COL10A1: variants seen among roughly 807,000 people sequenced by gnomAD.
The protein encoded by COL10A1 is collagen type X alpha 1 chain, also known as collagen alpha-1(X) chain.
A neutral mutation model predicts 18.2 loss-of-function variants in COL10A1; 10 were observed. That is an observed-to-expected ratio of 0.55 (90% confidence interval 0.34 to 0.93). The LOEUF (loss-of-function observed/expected upper bound fraction) is 0.93. COL10A1 is among the 40% of genes least tolerant of loss of function. COL10A1 has a pLI of 0.02. For synonymous variants in COL10A1, 330 were observed against 316.6 expected (o/e 1.04, Z -0.45); for missense variants, 897 against 853.5 (o/e 1.05, Z -0.64).
upstream of COL10A1, among the ~76,000 whole-genome samples, chr6:116,159,682 A>G (rs1780283651): frequency 6.6e-6 from 1 of 152,330 alleles, no homozygotes; most frequent in African/African-American, 2.4e-5. Flanking sequence ...TAACGTGGGT[A>G]TATTGCATAA....
chr6:116,193,161 G>A, the COL10A1 span, among the ~76,000 whole-genome samples: 4 of 151,964 alleles, frequency 2.6e-5, no homozygotes, highest in Non-Finnish European at 4.4e-5. Flanking sequence ...GCAACTCTTT[G>A]TGTAATGGCC....
chr6:116,163,234 T>G (rs75197576), upstream of COL10A1, among the ~76,000 whole-genome samples: 6 of 147,722 alleles, frequency 4.1e-5, no homozygotes, highest in African/African-American at 9.9e-5. Flanking sequence ...TGGTCCTGGG[T>G]TTTTTTTTGT....
At chr6:116,141,243 C>G (rs1191561081) in intron 1 of COL10A1, among the ~76,000 whole-genome samples, 2 of 150,558 alleles carry the variant, frequency 1.3e-5, no homozygotes, top group South Asian at 2.1e-4. Context: ...CTGATTGTAC[C>G]TTTGCCTACT....
Position 116,121,087 on chromosome 6 carries a change from C to T in COL10A1, c.1029G>A (p.Met343Ile), listed in dbSNP as rs1187481184. 6.2e-7 allele frequency: 1 copy of T among 1,613,854 alleles called. No individual in the cohort carries two copies. The highest frequency in any genetic ancestry group is 8.5e-7 in the Non-Finnish European group (1 of 1,179,944). Residue 343 changes from methionine to isoleucine, a missense_variant, in exon 3 of 3, where the codon ATG becomes ATA. Transcript: ENST00000651968. ...GGATGCCTTTTGGTCCTTGGGGTCC[C>T]ATATTCCCAGGGGGTCCAGTCAGAC... ...KPGLTGPPGN[M>I]GPQGPKGIPG...
At chr6:116,175,158 T>C in the COL10A1 span, among the ~76,000 whole-genome samples, 2 of 152,224 alleles carry the variant, frequency 1.3e-5, no homozygotes, top group Non-Finnish European at 2.9e-5. Context: ...TTCTGACTCA[T>C]ATATACATTT....
chr6:116,145,925 A>C (rs916533580), intron 1 of COL10A1, among the ~76,000 whole-genome samples: 1 of 152,076 alleles, frequency 6.6e-6, no homozygotes, highest in Non-Finnish European at 1.5e-5. Context: ...GTCTTTGGTA[A>C]CTCTTTCAAT....
At chr6:116,192,007 A>G in the COL10A1 span, among the ~76,000 whole-genome samples, 6 of 152,086 alleles carry the variant, frequency 3.9e-5, no homozygotes, top group Non-Finnish European at 7.4e-5. Flanking sequence ...ATGAGGATGC[A>G]GGCTTATGAA....
Position 116,121,193 on chromosome 6 carries a change from C to T in COL10A1, c.923G>A (p.Gly308Glu). ...FGKPGLPGLK[G>E]ERGPAGLPGG... ...AGGAAGGCCAGCAGGTCCTCTTTCTCCCTTCAGGCCTGGCAAGCCTGGTTT... is the reference window on the plus strand; with the variant it reads ...AGGAAGGCCAGCAGGTCCTCTTTCTTCCTTCAGGCCTGGCAAGCCTGGTTT... The change falls in exon 3 of 3, where the codon GGA (glycine) becomes GAA (glutamate). Residue 308 changes from glycine (G) to glutamate (E), a missense_variant. Physicochemically the swap from Gly to Glu is moderately conservative, Grantham distance 98. Coordinates refer to ENST00000651968, the MANE Select transcript of COL10A1 (RefSeq NM_000493.4). 6.2e-7 allele frequency: 1 copy of T among 1,613,450 alleles called. No individual in the cohort carries two copies. Among genetic ancestry groups the T allele is most frequent in the Non-Finnish European group, 8.5e-7 (1 of 1,179,744 alleles).
chr6:116,192,058 A>C, the COL10A1 span, among the ~76,000 whole-genome samples: 4 of 152,040 alleles, frequency 2.6e-5, no homozygotes, highest in African/African-American at 9.7e-5. Flanking sequence ...TACTTAGGTG[A>C]AACTTGGTAA....
the COL10A1 span, among the ~76,000 whole-genome samples, chr6:116,207,294 A>G: frequency 7.6e-6 from 1 of 132,360 alleles, no homozygotes; most frequent in African/African-American, 3.4e-5. Flanking sequence ...TCCTTTTAAG[A>G]TCAATAGAGT....
intron 1 of COL10A1, among the ~76,000 whole-genome samples, chr6:116,153,662 G>A (rs929999605): frequency 2.0e-5 from 3 of 151,392 alleles, no homozygotes; most frequent in Non-Finnish European, 1.5e-5. Context: ...AATTGCTATT[G>A]TTGTCAAAAA....
At chr6:116,182,773 A>G in the COL10A1 span, among the ~76,000 whole-genome samples, 2 of 151,882 alleles carry the variant, frequency 1.3e-5, no homozygotes, top group Admixed American at 6.6e-5. Flanking sequence ...TTCCTTGTAG[A>G]GTCTAGATAT....
chr6:116,211,070 GC>G, the COL10A1 span, among the ~76,000 whole-genome samples: 4 of 152,012 alleles, frequency 2.6e-5, no homozygotes, highest in Admixed American at 6.6e-5. Flanking sequence ...TGCAGCTTTT[GC>G]TTGTCTTAAA....
the COL10A1 span, among the ~76,000 whole-genome samples, chr6:116,183,913 G>A: frequency 1.3e-5 from 2 of 151,898 alleles, no homozygotes; most frequent in Non-Finnish European, 2.9e-5. Flanking sequence ...CCTGATTGCT[G>A]TGGCTAGGAC....
chr6:116,182,028 C>A, the COL10A1 span, among the ~76,000 whole-genome samples: 2 of 151,972 alleles, frequency 1.3e-5, no homozygotes, highest in Admixed American at 1.3e-4. Context: ...CCGCTCCCAC[C>A]CTTTCCTCCG....
At chr6:116,191,534 A>G in the COL10A1 span, among the ~76,000 whole-genome samples, 1 of 152,080 alleles carries the variant, frequency 6.6e-6, no homozygotes, top group East Asian at 1.9e-4. Flanking sequence ...TCTAACTCAA[A>G]AAAGCTTTTT....
chr6:116,162,630 G>T (rs1343852836), upstream of COL10A1, among the ~76,000 whole-genome samples: 1 of 152,118 alleles, frequency 6.6e-6, no homozygotes, highest in Admixed American at 6.6e-5. Flanking sequence ...AAACCCACTT[G>T]ATCGTGATGA....
intron 1 of COL10A1, among the ~76,000 whole-genome samples, chr6:116,143,165 CAT>C (rs916531201): frequency 2.0e-5 from 3 of 152,064 alleles, no homozygotes; most frequent in African/African-American, 7.2e-5. Context: ...TTTTTAGAAA[CAT>C]AGATAATATT....
At chr6:116,188,137 A>G in the COL10A1 span, among the ~76,000 whole-genome samples, 13 of 152,230 alleles carry the variant, frequency 8.5e-5, 1 homozygote, top group South Asian at 2.3e-3. Context: ...TTAAAGTTCA[A>G]TGAGGTACCA....
Sources: gnomAD v4.1 joint callset for allele counts (sites outside exome capture counted in the v4.1 genomes callset) on GRCh38, gnomAD v4.1.1 for gene constraint, MANE v1.5 for transcripts, NCBI Gene and HGNC (gene_info 2026-07-23, HGNC 2026-07-21) for gene names.